The following PRXL2A variants were observed in gnomAD, a reference collection of about 807,000 sequenced individuals.
The protein encoded by PRXL2A is peroxiredoxin like 2A.
In PRXL2A, 26 loss-of-function variants were observed where a neutral mutation model predicts 25.6. The observed-to-expected ratio is 1.02, with a 90% CI of 0.74 to 1.41. The LOEUF is 1.41. Among genes scored for constraint, PRXL2A ranks in the 40% most tolerant of loss-of-function variants. The probability of loss-of-function intolerance (pLI) is 0.00; values close to 1 mark genes in which losing one functional copy is unlikely to be tolerated. For synonymous variants in PRXL2A, 98 were observed against 102.9 expected (o/e 0.95, Z 0.29); for missense variants, 246 against 273.9 (o/e 0.90, Z 0.72).
At chr10:80,420,729 T>C in intron 2 of PRXL2A, 84 bp downstream of exon 2, 1 of 1,063,610 alleles carries the variant, frequency 9.4e-7, no homozygotes, top group Non-Finnish European at 1.3e-6. Flanking sequence ...CTCTCTCCTT[T>C]TTTTAATTGA....
At chr10:80,415,649 G>T (rs763695991) in intron 1 of PRXL2A, among the ~76,000 whole-genome samples, 20 of 152,170 alleles carry the variant, frequency 1.3e-4, no homozygotes, top group Non-Finnish European at 2.2e-4. Context: ...TGTGTACCAG[G>T]TCCATATTTT....
In PRXL2A at chr10:80,435,380, C is replaced by G. The variant is rs1392258464; in HGVS notation, c.*3281C>G. 6.6e-6 allele frequency: 1 copy of G among 152,136 alleles called. No homozygotes were observed. 9.4% of individuals were successfully genotyped at this position (152,136 alleles called of 1,614,324 possible). A position where few individuals can be genotyped will look rare whatever the true frequency, so the allele number is the denominator to read the frequency against. On this transcript the variant is annotated 3_prime_UTR_variant, in exon 6 of 6. Coordinates refer to ENST00000606162, the MANE Select transcript of PRXL2A (RefSeq NM_032333.5). ...AAACTATGCTAGTGTTTGTTCAAGT[C>G]TCTCCGTGTCCGGGGTGAGCAAAAT...
intron 3 of PRXL2A, among the ~76,000 whole-genome samples, chr10:80,424,847 G>A (rs977767817): frequency 6.6e-6 from 1 of 152,120 alleles, no homozygotes; most frequent in Admixed American, 6.5e-5. Flanking sequence ...GGCGAGTAGC[G>A]TGGGCGACAG....
intron 2 of PRXL2A, among the ~76,000 whole-genome samples, 169 bp from the exon 3 acceptor site, chr10:80,422,248 C>G (rs180860202): frequency 6.2e-4 from 94 of 152,266 alleles, no homozygotes; most frequent in African/African-American, 2.2e-3. Flanking sequence ...GGTGTGTATT[C>G]TGTCTGTCTG....
At chr10:80,416,615 G>A (rs554817402) in intron 1 of PRXL2A, among the ~76,000 whole-genome samples, 8 of 152,270 alleles carry the variant, frequency 5.3e-5, no homozygotes, top group South Asian at 2.1e-4. Context: ...ATGTGTGCAC[G>A]TCTGTAATGT....
At chr10:80,414,269 G>C (rs1311806310) in intron 1 of PRXL2A, among the ~76,000 whole-genome samples, 1 of 152,184 alleles carries the variant, frequency 6.6e-6, no homozygotes, top group Non-Finnish European at 1.5e-5. Flanking sequence ...GGGAGAGGGT[G>C]GATCAGATAA....
intron 5 of PRXL2A, among the ~76,000 whole-genome samples, chr10:80,429,583 G>C (rs1224403926): frequency 1.7e-5 from 1 of 57,836 alleles, no homozygotes; most frequent in Non-Finnish European, 3.5e-5. Flanking sequence ...CCTGCCCCTA[G>C]CCTCTCCTGC....
intron 1 of PRXL2A, among the ~76,000 whole-genome samples, chr10:80,417,811 G>A (rs989122275): frequency 4.1e-5 from 6 of 145,938 alleles, no homozygotes; most frequent in Non-Finnish European, 7.5e-5. Context: ...CTGGAGTTCT[G>A]GGCTATAGTG....
Position 80,420,558 on chromosome 10 carries a change from C to G in PRXL2A, c.91C>G (p.Leu31Val). 3 of 1,614,048 alleles carry G rather than the reference C, an allele frequency of 1.9e-6. No homozygotes were observed. The highest frequency in any genetic ancestry group is 2.5e-6 in the Non-Finnish European group (3 of 1,179,962). ...GGGGGCTGCTGCCTTGGCATTGCTG[C>G]TTGCCAACACAGACGTGTTTCTGTC... ...ALGAAALALL[L>V]ANTDVFLSKP... Residue 31 changes from leucine (L) to valine (V), a missense_variant, in exon 2 of 6, where the codon CTT becomes GTT. Physicochemically the swap from Leu to Val is conservative, Grantham distance 32. Coordinates refer to ENST00000606162, the MANE Select transcript of PRXL2A (RefSeq NM_032333.5).
intron 4 of PRXL2A, among the ~76,000 whole-genome samples, 188 bp downstream of exon 4, chr10:80,426,194 C>T (rs1476965083): frequency 6.6e-6 from 1 of 152,236 alleles, no homozygotes; most frequent in Non-Finnish European, 1.5e-5. Context: ...GCTGTCCTCT[C>T]AGTTACAGAC....
chr10:80,417,542 A>G lies in PRXL2A; in HGVS notation c.-2-2924A>G, dbSNP rs138185762. On this transcript the variant is annotated intron_variant, in intron 1 of 5. Transcript: ENST00000606162. Reference sequence around the variant, plus strand: ...TGATTAAAGAGACAAGCAGGATAAAATTCAAAGTAGCGAGTTAGAGTAAAA... The same window carrying G: ...TGATTAAAGAGACAAGCAGGATAAAGTTCAAAGTAGCGAGTTAGAGTAAAA... Among the ~76,000 whole-genome samples, 262 of 152,312 alleles carry G rather than the reference A, an allele frequency of 1.7e-3. 1 individual carries two copies. Among genetic ancestry groups the G allele is most frequent in the Admixed American group, 0.012 (176 of 15,296 alleles).
At chr10:80,427,602 C>T in intron 5 of PRXL2A, 106 bp downstream of exon 5, 1 of 1,135,600 alleles carries the variant, frequency 8.8e-7, no homozygotes, top group Middle Eastern at 2.1e-4. Flanking sequence ...TTTGGGTCTC[C>T]TAGCCTTCCT....
At position 80,436,577 on chromosome 10, in the gene PRXL2A, AG is replaced by A. The variant is rs1235282903; in HGVS notation, c.*4480del. The A allele has an allele frequency of 6.6e-6, 1 of 152,266 alleles. No homozygotes were observed. The highest frequency in any genetic ancestry group is 1.5e-5 in the Non-Finnish European group (1 of 68,104). The allele number at this position is 152,266 out of a possible 1,614,324, so 9.4% of individuals were successfully genotyped here. On this transcript the variant is annotated 3_prime_UTR_variant, in exon 6 of 6. Transcript: ENST00000606162. ...CCTGATCATCTCTGATAACTTTAAA[AG>A]GAAGGCCTCAGAAGCAGCCCCAGAA... is the stretch of plus-strand genomic sequence containing the variant.
intron 3 of PRXL2A, 109 bp downstream of exon 3, chr10:80,422,617 A>ATGTTC (rs2131897098): frequency 2.7e-6 from 2 of 737,256 alleles, no homozygotes; most frequent in East Asian, 5.3e-5. Context: ...TTTTACCCAC[A>ATGTTC]TGTTCTGTTC....
chr10:80,409,328 G>A (rs1844401143), intron 1 of PRXL2A, among the ~76,000 whole-genome samples: 1 of 152,120 alleles, frequency 6.6e-6, no homozygotes. Flanking sequence ...AGGTGGAGAT[G>A]GTTAGAGGCA....
intron 5 of PRXL2A, among the ~76,000 whole-genome samples, chr10:80,431,670 T>C (rs1334694834): frequency 6.6e-6 from 1 of 152,206 alleles, no homozygotes; most frequent in Non-Finnish European, 1.5e-5. Flanking sequence ...GTATGTTCTT[T>C]TACCTGCATC....
At chr10:80,430,931 C>G (rs1301632138) in intron 5 of PRXL2A, among the ~76,000 whole-genome samples, 1 of 152,102 alleles carries the variant, frequency 6.6e-6, no homozygotes, top group Non-Finnish European at 1.5e-5. Context: ...GCTCTGTCGC[C>G]CAGGCTGGAG....
intron 5 of PRXL2A, among the ~76,000 whole-genome samples, chr10:80,429,717 C>T (rs1447116575): frequency 1.3e-5 from 2 of 152,056 alleles, no homozygotes; most frequent in East Asian, 3.9e-4. Flanking sequence ...GGAGGTGTTT[C>T]CCAGCGACCA....
At chr10:80,420,877 G>C (rs1197209199) in intron 2 of PRXL2A, among the ~76,000 whole-genome samples, 1 of 152,128 alleles carries the variant, frequency 6.6e-6, no homozygotes, top group Non-Finnish European at 1.5e-5. Flanking sequence ...GCTTGGCTTA[G>C]GTGCTGTTTT....
Sources: allele counts gnomAD v4.1 joint callset (sites outside exome capture counted in the v4.1 genomes callset), GRCh38; gene constraint gnomAD v4.1.1; transcripts MANE v1.5; gene names NCBI Gene and HGNC (gene_info 2026-07-23, HGNC 2026-07-21).